The following DNAH12 variants were observed in gnomAD, a reference collection of about 807,000 sequenced individuals.
DNAH12 encodes axonemal beta dynein heavy chain 12.
DNAH12 carries 285 observed loss-of-function variants against 371.5 expected under a neutral mutation model. The observed-to-expected ratio is 0.77, with a 90% CI of 0.70 to 0.85. DNAH12 has a LOEUF of 0.85. Among genes scored for constraint, DNAH12 ranks in the 40% least tolerant of loss-of-function variants. The pLI is 0.00. For missense variants in DNAH12, 3,611 were observed against 3,689.4 expected (o/e 0.98, Z 0.55); for synonymous variants, 1,200 against 1,213.0 (o/e 0.99, Z 0.22).
At chr3:57,381,365 A>G in intron 50 of DNAH12, among the ~76,000 whole-genome samples, 1 of 152,190 alleles carries the variant, frequency 6.6e-6, no homozygotes, top group Middle Eastern at 3.4e-3. Context: ...TAATTCAGGA[A>G]TTTAAACCCA....
chr3:57,506,144 C>T (rs529065532), intron 8 of DNAH12, among the ~76,000 whole-genome samples: 1 of 152,178 alleles, frequency 6.6e-6, no homozygotes, highest in East Asian at 1.9e-4. Context: ...GAAAATGTTC[C>T]AGAAGATCAA....
rs752058940 is a variant in DNAH12, at chr3:57,473,368, TC to T, written c.1651-698del. Among the ~76,000 whole-genome samples the T allele has an allele frequency of 2.0e-5, 3 of 152,142 alleles. No homozygotes were observed. The East Asian group carries it at 5.8e-4, about 29-fold the overall frequency. ...TGGGCTTGGTGACGCACGTCTGTAG[TC>T]CCAGCTACTTGGAGGCTGAGGCAGG... On this transcript the variant is annotated intron_variant, in intron 13 of 73. Coordinates refer to ENST00000495027, the MANE Select transcript of DNAH12 (RefSeq NM_001366028.2).
chr3:57,372,609 T>C (rs1440141409), intron 55 of DNAH12, among the ~76,000 whole-genome samples: 11 of 152,048 alleles, frequency 7.2e-5, no homozygotes, highest in Non-Finnish European at 1.2e-4. Flanking sequence ...TTACGCTATA[T>C]ATATAATAGC....
intron 25 of DNAH12, among the ~76,000 whole-genome samples, chr3:57,448,172 C>G (rs2065590555): frequency 6.6e-6 from 1 of 152,236 alleles, no homozygotes; most frequent in East Asian, 1.9e-4. Context: ...AGCCGCGGAC[C>G]CTCGAGGTGA....
At chr3:57,352,889 G>T (rs2062713621) in intron 59 of DNAH12, among the ~76,000 whole-genome samples, 1 of 152,014 alleles carries the variant, frequency 6.6e-6, no homozygotes, top group Non-Finnish European at 1.5e-5. Context: ...AGAAGTTTGA[G>T]ACCAGCCTGG....
At chr3:57,350,182 G>C (rs1553659675) in intron 60 of DNAH12, among the ~76,000 whole-genome samples, 1 of 151,284 alleles carries the variant, frequency 6.6e-6, no homozygotes, top group East Asian at 1.9e-4. Context: ...ATTAGGTACA[G>C]TGTACACTGC....
intron 2 of DNAH12, among the ~76,000 whole-genome samples, chr3:57,527,910 G>C (rs1387660139): frequency 1.3e-5 from 2 of 151,906 alleles, no homozygotes; most frequent in East Asian, 1.9e-4. Context: ...TTTTTGCTTT[G>C]GCTGCCTGTA....
intron 11 of DNAH12, among the ~76,000 whole-genome samples, chr3:57,497,698 C>A (rs768084592): frequency 3.3e-5 from 5 of 152,054 alleles, no homozygotes; most frequent in Non-Finnish European, 1.5e-5. Flanking sequence ...AATGTAGGAA[C>A]AAATCTTTAT....
chr3:57,385,751 A>G (rs1224862351), intron 47 of DNAH12, among the ~76,000 whole-genome samples: 1 of 152,126 alleles, frequency 6.6e-6, no homozygotes, highest in Admixed American at 6.6e-5. Flanking sequence ...GCGTGGCAGC[A>G]TGTGCCTGTA....
chr3:57,548,048 G>A (rs1222753371), upstream of DNAH12, among the ~76,000 whole-genome samples: 2 of 152,198 alleles, frequency 1.3e-5, no homozygotes, highest in Admixed American at 1.3e-4. Context: ...GAATGGCTAT[G>A]GTGAAAGACC....
intron 34 of DNAH12, among the ~76,000 whole-genome samples, chr3:57,428,014 C>T (rs1041184423): frequency 6.6e-6 from 1 of 151,832 alleles, no homozygotes; most frequent in Non-Finnish European, 1.5e-5. Context: ...CTGCAACCTC[C>T]ATCTCCTGGG....
rs757785766 is a variant in DNAH12 at position 57,495,898 on chromosome 3, A to G, written c.1335+5423T>C. Among the ~76,000 whole-genome samples, 443 of 141,090 alleles carry G rather than the reference A, an allele frequency of 3.1e-3. 3 individuals carry two copies. The highest frequency in any genetic ancestry group is 0.015 in the Middle Eastern group (4 of 274). 92.6% of individuals were successfully genotyped at this position (141,090 alleles called of 152,430 possible). ...ATTTTTAAAATATATTTTTATATAT[A>G]AATTTTATAAATATATTTCTATATT... On this transcript the variant is annotated intron_variant, in intron 11 of 73. Coordinates refer to ENST00000495027, the MANE Select transcript of DNAH12 (RefSeq NM_001366028.2).
intron 73 of DNAH12, 92 bp downstream of exon 73, chr3:57,295,433 G>T: frequency 9.9e-7 from 1 of 1,007,714 alleles, no homozygotes; most frequent in Non-Finnish European, 1.4e-6. Context: ...ATCCTAAAAG[G>T]TTTGAGCAAA....
At chr3:57,329,292 C>T (rs79226812) in intron 62 of DNAH12, among the ~76,000 whole-genome samples, 7,347 of 105,610 alleles carry the variant, frequency 0.07, 233 homozygotes, top group East Asian at 0.14. Flanking sequence ...GGAGGCATCA[C>T]ACTACCTGAC....
At chr3:57,313,982 T>C (rs1265863154) in intron 66 of DNAH12, among the ~76,000 whole-genome samples, 1 of 152,172 alleles carries the variant, frequency 6.6e-6, no homozygotes, top group Non-Finnish European at 1.5e-5. Context: ...TGGATGCCTC[T>C]TCTCTGAGCT....
At chr3:57,322,918 A>C (rs1031151335) in intron 64 of DNAH12, 89 bp downstream of exon 64, 1 of 1,459,268 alleles carries the variant, frequency 6.9e-7, no homozygotes, top group East Asian at 2.5e-5. Flanking sequence ...AGACAGAGTA[A>C]GACTCCGTCT....
intron 66 of DNAH12, among the ~76,000 whole-genome samples, chr3:57,312,263 G>A (rs941935002): frequency 2.0e-5 from 3 of 152,192 alleles, no homozygotes; most frequent in Non-Finnish European, 2.9e-5. Flanking sequence ...GAAGGTCGTC[G>A]TTTTGGGAAA....
intron 2 of DNAH12, among the ~76,000 whole-genome samples, chr3:57,525,202 T>C (rs1228693197): frequency 2.0e-5 from 3 of 148,966 alleles, no homozygotes; most frequent in Non-Finnish European, 4.5e-5. Flanking sequence ...GGGTGTCCAC[T>C]GGAGCTATAA....
At chr3:57,483,996 T>C (rs1002463917) in intron 12 of DNAH12, among the ~76,000 whole-genome samples, 1 of 145,094 alleles carries the variant, frequency 6.9e-6, no homozygotes, top group Non-Finnish European at 1.5e-5. Context: ...ATTCAGTATA[T>C]ACTATACATC....
Sources: allele counts gnomAD v4.1 joint callset (sites outside exome capture counted in the v4.1 genomes callset), GRCh38; gene constraint gnomAD v4.1.1; transcripts MANE v1.5; gene names NCBI Gene and HGNC (gene_info 2026-07-23, HGNC 2026-07-21).